The following MAN1A2 variants were observed in gnomAD, a reference collection of about 807,000 sequenced individuals.
MAN1A2 encodes the protein mannosyl-oligosaccharide 1,2-alpha-mannosidase IB.
MAN1A2 carries 26 observed loss-of-function variants against 75.7 expected under a neutral mutation model. The ratio of observed to expected loss-of-function variants is 0.34; its 90% CI spans 0.25 to 0.48. The LOEUF is 0.48. Ranked by LOEUF, MAN1A2 falls within the 20% of genes least tolerant of loss-of-function variation. The pLI is 0.99. For synonymous variants in MAN1A2, 247 were observed against 264.6 expected (o/e 0.93, Z 0.65); for missense variants, 562 against 775.5 (o/e 0.72, Z 3.27).
intron 12 of MAN1A2, among the ~76,000 whole-genome samples, chr1:117,519,854 A>G (rs1245747392): frequency 6.6e-6 from 1 of 152,074 alleles, no homozygotes; most frequent in Admixed American, 6.6e-5. Context: ...CCTAATACCA[A>G]AACCAGGAAA....
At chr1:117,380,427 T>C (rs938802595) in intron 1 of MAN1A2, among the ~76,000 whole-genome samples, 38 of 152,308 alleles carry the variant, frequency 2.5e-4, no homozygotes, top group Middle Eastern at 3.4e-3. Context: ...CAAGAATCAA[T>C]TGCCAAATCC....
rs1649984163 is a variant in MAN1A2, at chr1:117,466,398, T to G, written c.1139T>G (p.Leu380Trp). Residue 380 changes from leucine to tryptophan, a missense_variant, in exon 8 of 13, where the codon TTG (leucine) becomes TGG (tryptophan). Transcript: ENST00000356554. ...DRPNGLYPNY[L>W]NPRTGRWGQY... ...CCAAATGGTCTTTATCCAAATTATT[T>G]GAACCCCAGAACAGGGCGCTGGGGT... 6.2e-7 allele frequency: 1 copy of G among 1,611,874 alleles called. No homozygotes were observed. Among genetic ancestry groups the G allele is most frequent in the Non-Finnish European group, 8.5e-7 (1 of 1,178,822 alleles).
In MAN1A2 at chr1:117,527,755, T is replaced by A. The variant is rs1652064871; in HGVS notation, c.*4798T>A. On this transcript the variant is annotated 3_prime_UTR_variant, in exon 13 of 13. Transcript: ENST00000356554. ...TGACCCTTGAACCAGGATTCTGGAT[T>A]GCTAGAGCTGCAGAAATTCACCCAC... The A allele has an allele frequency of 6.6e-6, 1 of 152,064 alleles. No homozygotes were observed. Among genetic ancestry groups the A allele is most frequent in the Non-Finnish European group, 1.5e-5 (1 of 67,958 alleles). 9.4% of individuals were successfully genotyped at this position (152,064 alleles called of 1,614,324 possible).
chr1:117,412,991 C>T (rs747820725), intron 3 of MAN1A2, among the ~76,000 whole-genome samples: 15 of 151,922 alleles, frequency 9.9e-5, no homozygotes, highest in Non-Finnish European at 1.8e-4. Flanking sequence ...AGGACACAAA[C>T]AGTAGTCTCA....
Position 117,429,525 on chromosome 1 carries a change from C to T in MAN1A2, c.855+8876C>T, listed in dbSNP as rs1375830197. The stretch of plus-strand genomic sequence containing the variant: ...CTCCCGGACGGGGCGGCTGGCCGGG[C>T]GGGGGGCCGACCCCCCCACCTCCCT... On this transcript the variant is annotated intron_variant, in intron 5 of 12. Coordinates refer to ENST00000356554, the MANE Select transcript of MAN1A2 (RefSeq NM_006699.5). Among the ~76,000 whole-genome samples the T allele has an allele frequency of 4.2e-4, 14 of 33,366 alleles. 1 individual carries two copies. The highest frequency in any genetic ancestry group is 7.9e-4 in the African/African-American group (5 of 6,318). The allele number at this position is 33,366 out of a possible 152,430, so 21.9% of individuals were successfully genotyped here.
chr1:117,526,861 T>TCTCG lies in MAN1A2; in HGVS notation c.*3907_*3908insGCTC, dbSNP rs1652035305. 1.0e-5 allele frequency: 1 copy of TCTCG among 95,502 alleles called. No individual in the cohort carries two copies. Among genetic ancestry groups the TCTCG allele is most frequent in the Admixed American group, 1.1e-4 (1 of 8,922 alleles). 5.9% of individuals were successfully genotyped at this position (95,502 alleles called of 1,614,324 possible). ...CTTTTCCTCTCTCTCTCTCTCTCTC[T>TCTCG]CTCTCTCTCTCTCTCTCTCTATATA... On this transcript the variant is annotated 3_prime_UTR_variant, in exon 13 of 13. Transcript: ENST00000356554.
chr1:117,460,459 T>C, intron 6 of MAN1A2, 30 bp from the exon 7 acceptor site: 2 of 1,561,298 alleles, frequency 1.3e-6, no homozygotes, highest in Non-Finnish European at 1.7e-6. Context: ...CCCAATCCTG[T>C]GTCTCCTTTT....
At chr1:117,417,928 C>G (rs924808875) in intron 4 of MAN1A2, among the ~76,000 whole-genome samples, 14 of 151,844 alleles carry the variant, frequency 9.2e-5, no homozygotes, top group Admixed American at 3.3e-4. Flanking sequence ...GAAAATAAAT[C>G]CCAGCTACTT....
chr1:117,465,737 T>G (rs755043448), intron 7 of MAN1A2, among the ~76,000 whole-genome samples: 2 of 152,122 alleles, frequency 1.3e-5, no homozygotes, highest in African/African-American at 2.4e-5. Context: ...AATAAATCCC[T>G]AGGAAAGTCT....
rs1650043311 is a variant in MAN1A2, at chr1:117,468,369, C to G, written c.1168+1942C>G. Among the ~76,000 whole-genome samples the G allele has an allele frequency of 3.3e-5, 5 of 152,074 alleles. No homozygotes were observed. The South Asian group carries it at 1.0e-3, about 31-fold the overall frequency. ...TTTTGAGCCAGCAACTCATTTCCAG[C>G]AATTTATTCCAAATAAATTTTCAGA... On this transcript the variant is annotated intron_variant, in intron 8 of 12. Transcript: ENST00000356554.
In MAN1A2 at chr1:117,476,067, T is replaced by G. The variant is rs544033216; in HGVS notation, c.1168+9640T>G. Among the ~76,000 whole-genome samples the G allele has an allele frequency of 7.2e-5, 11 of 152,310 alleles. No individual in the cohort carries two copies. In the South Asian group the frequency reaches 2.1e-3, roughly 29 times the overall value. On this transcript the variant is annotated intron_variant, in intron 8 of 12. Transcript: ENST00000356554. The stretch of plus-strand genomic sequence containing the variant: ...TTAATGATCGTCTTTCTAACTGGTG[T>G]GAGATGGTATGTCCTTGTGGTTTTG...
chr1:117,400,822 C>G (rs553043453), intron 1 of MAN1A2, among the ~76,000 whole-genome samples: 31 of 151,926 alleles, frequency 2.0e-4, no homozygotes, highest in Non-Finnish European at 4.0e-4. Flanking sequence ...GTGTATAGTC[C>G]TTTGTCCTCC....
intron 7 of MAN1A2, among the ~76,000 whole-genome samples, chr1:117,465,485 A>G (rs904427659): frequency 2.6e-5 from 4 of 152,172 alleles, no homozygotes; most frequent in Non-Finnish European, 5.9e-5. Flanking sequence ...AGCCAAATGA[A>G]TGACGATGGG....
chr1:117,509,226 C>T (rs1195879689), intron 12 of MAN1A2, among the ~76,000 whole-genome samples: 2 of 151,680 alleles, frequency 1.3e-5, no homozygotes, highest in Non-Finnish European at 2.9e-5. Flanking sequence ...ACTAAGCCTA[C>T]TAAAAAAGGT....
chr1:117,370,738 A>AGTGTGTGTGTGTGTGTGT (rs71658400), intron 1 of MAN1A2, among the ~76,000 whole-genome samples: 192 of 148,314 alleles, frequency 1.3e-3, no homozygotes, highest in East Asian at 4.2e-3. Context: ...ATCTTCATTT[A>AGTGTGTGTGTGTGTGTGT]GTGTGTGTGT....
intron 1 of MAN1A2, among the ~76,000 whole-genome samples, chr1:117,373,226 T>C (rs1223257535): frequency 6.6e-6 from 1 of 152,174 alleles, no homozygotes; most frequent in Non-Finnish European, 1.5e-5. Flanking sequence ...AATTTTCTTG[T>C]CATCTTTCTT....
At chr1:117,471,928 A>G (rs960757186) in intron 8 of MAN1A2, among the ~76,000 whole-genome samples, 3 of 151,954 alleles carry the variant, frequency 2.0e-5, no homozygotes, top group African/African-American at 7.2e-5. Context: ...TTATTCTGTT[A>G]AAACTGTCTA....
intron 1 of MAN1A2, among the ~76,000 whole-genome samples, chr1:117,385,584 T>A (rs1251586110): frequency 6.6e-6 from 1 of 152,174 alleles, no homozygotes; most frequent in East Asian, 1.9e-4. Context: ...TTGACTTGCC[T>A]TAGCAAGAAT....
chr1:117,518,376 CAGAA>C (rs1651778502), intron 12 of MAN1A2, among the ~76,000 whole-genome samples: 1 of 151,808 alleles, frequency 6.6e-6, no homozygotes, highest in East Asian at 1.9e-4. Context: ...AACATGGTAA[CAGAA>C]AGGGATGTAG....
Sources: gnomAD v4.1 joint callset for allele counts (sites outside exome capture counted in the v4.1 genomes callset) on GRCh38, gnomAD v4.1.1 for gene constraint, MANE v1.5 for transcripts, NCBI Gene and HGNC (gene_info 2026-07-23, HGNC 2026-07-21) for gene names.